RCAN1: variants seen among roughly 807,000 people sequenced by gnomAD.
The protein encoded by RCAN1 is calcipressin-1.
Under a neutral mutation model 22.9 loss-of-function variants are expected in RCAN1, and 11 were observed. The observed-to-expected ratio is 0.48, with a 90% CI of 0.30 to 0.79. The LOEUF is 0.79. Ranked by LOEUF, RCAN1 falls within the 30% of genes least tolerant of loss-of-function variation. The pLI, the probability that RCAN1 is intolerant of heterozygous loss-of-function variation, is 0.06. For missense variants in RCAN1, 291 were observed against 337.8 expected (o/e 0.86, Z 1.09); for synonymous variants, 136 against 142.3 (o/e 0.96, Z 0.32).
At chr21:34,567,686 G>A (rs1203847933) in intron 1 of RCAN1, among the ~76,000 whole-genome samples, 12 of 152,028 alleles carry the variant, frequency 7.9e-5, no homozygotes, top group Non-Finnish European at 1.5e-5. Context: ...TTCAAATTCA[G>A]AACTTCGGTC....
chr21:34,532,111 G>T (rs922399538), intron 1 of RCAN1, among the ~76,000 whole-genome samples: 1 of 152,058 alleles, frequency 6.6e-6, no homozygotes, highest in African/African-American at 2.4e-5. Flanking sequence ...AGGAGGCATC[G>T]GGGTAAAGAG....
intron 1 of RCAN1, chr21:34,525,222 GCTGCGGGTAGGAGCAGGGTAGTCGGTCC>G (rs1440482567): frequency 6.4e-7 from 1 of 1,550,516 alleles, no homozygotes; most frequent in African/African-American, 1.4e-5. Flanking sequence ...TCCACATGGG[GCTGCGGGTAGGAGCAGGGTAGTCGGTCC>G]CTGCCAGGCA....
rs540623663 is a variant in RCAN1, at chr21:34,576,374, A to G, written c.252+38386T>C. On this transcript the variant is annotated intron_variant, in intron 1 of 3. Transcript: ENST00000313806. ...TAAGAGTTGGGGCCCCTCCAACGGCAGGGATCTGGACAGCTTCCAGAGGAA... is the reference window on the plus strand; with the variant it reads ...TAAGAGTTGGGGCCCCTCCAACGGCGGGGATCTGGACAGCTTCCAGAGGAA... Among the ~76,000 whole-genome samples the G allele has an allele frequency of 3.9e-5, 6 of 152,332 alleles. No individual in the cohort carries two copies. The South Asian group carries it at 1.0e-3, about 26-fold the overall frequency.
At chr21:34,551,609 C>G (rs960876484) in intron 1 of RCAN1, among the ~76,000 whole-genome samples, 2 of 147,860 alleles carry the variant, frequency 1.4e-5, no homozygotes, top group Middle Eastern at 3.2e-3. Flanking sequence ...GGGACACTTC[C>G]CCTAGTGAAC....
intron 1 of RCAN1, among the ~76,000 whole-genome samples, chr21:34,570,376 GC>G (rs1987192531): frequency 6.6e-6 from 1 of 152,200 alleles, no homozygotes; most frequent in East Asian, 1.9e-4. Flanking sequence ...TCTGCATATA[GC>G]TTTCGTTACT....
chr21:34,531,294 T>A (rs73900512), intron 1 of RCAN1, among the ~76,000 whole-genome samples: 2,118 of 152,338 alleles, frequency 0.014, 58 homozygotes, highest in African/African-American at 0.048. Context: ...GGGCTTTTCA[T>A]TGCAGATTCC....
chr21:34,518,384 A>G lies in RCAN1; in HGVS notation c.587-128T>C. On this transcript the variant is annotated intron_variant, in intron 3 of 3. Transcript: ENST00000313806. This position sits in a 1 kb window ranked among gnomAD's most constrained non-coding sequence, Gnocchi z 4.2. ...ACCATTCGATTGGGCTGAGAGACAC[A>G]GCCAGACATATTTTGGGTTTGTATT... is the stretch of plus-strand genomic sequence containing the variant. The G allele has an allele frequency of 1.1e-6, 1 of 933,854 alleles. No individual in the cohort carries two copies. The highest frequency in any genetic ancestry group is 1.6e-6 in the Non-Finnish European group (1 of 636,556). 57.8% of individuals were successfully genotyped at this position (933,854 alleles called of 1,614,324 possible).
At chr21:34,530,967 C>G (rs1228236558) in intron 1 of RCAN1, among the ~76,000 whole-genome samples, 1 of 152,166 alleles carries the variant, frequency 6.6e-6, no homozygotes, top group Non-Finnish European at 1.5e-5. Flanking sequence ...GCCTAAGTTA[C>G]TACACAAAAA....
At chr21:34,541,952 A>T (rs939713055) in intron 1 of RCAN1, among the ~76,000 whole-genome samples, 3 of 152,002 alleles carry the variant, frequency 2.0e-5, no homozygotes, top group African/African-American at 7.2e-5. Flanking sequence ...TAAAATAAAT[A>T]AAAAAAATTT....
At chr21:34,548,802 TTC>T (rs1314550958) in intron 1 of RCAN1, among the ~76,000 whole-genome samples, 1 of 152,224 alleles carries the variant, frequency 6.6e-6, no homozygotes, top group Admixed American at 6.5e-5. Flanking sequence ...GAATCTTAAA[TTC>T]TCTTAGTGCC....
At chr21:34,563,792 T>TAGAGAG (rs1400313535) in intron 1 of RCAN1, among the ~76,000 whole-genome samples, 909 of 74,614 alleles carry the variant, frequency 0.012, 3 homozygotes, top group African/African-American at 0.019. Context: ...TATATATATA[T>TAGAGAG]ATAGAGAGAG....
intron 1 of RCAN1, among the ~76,000 whole-genome samples, chr21:34,571,678 C>T (rs1987238399): frequency 6.6e-6 from 1 of 152,270 alleles, no homozygotes; most frequent in African/African-American, 2.4e-5. Context: ...ACCTCAGCCT[C>T]CTGAGTAGCT....
intron 1 of RCAN1, chr21:34,527,110 T>C (rs1205443017): frequency 8.2e-6 from 3 of 365,524 alleles, no homozygotes; most frequent in Non-Finnish European, 1.2e-5. Context: ...TGCAGCATAG[T>C]TTCCACTGGT....
chr21:34,523,500 G>A (rs774137917), intron 2 of RCAN1, 37 bp downstream of exon 2: 4 of 1,600,118 alleles, frequency 2.5e-6, no homozygotes, highest in South Asian at 1.1e-5. Context: ...GAGGGAGGGA[G>A]GAGGGAGAAG....
At chr21:34,550,287 T>C (rs922808201) in intron 1 of RCAN1, among the ~76,000 whole-genome samples, 2 of 152,234 alleles carry the variant, frequency 1.3e-5, no homozygotes, top group Non-Finnish European at 2.9e-5. Context: ...AGAAACAGTT[T>C]TGCAAATTCA....
At position 34,600,013 on chromosome 21, in the gene RCAN1, C is replaced by T. The variant is rs372527329; in HGVS notation, c.252+14747G>A. The stretch of plus-strand genomic sequence containing the variant: ...GAAGGGTAGATAAGGGATAAGTTAC[C>T]CTGAACCTAAAGCACGAGAACTGGC... On this transcript the variant is annotated intron_variant, in intron 1 of 3. Transcript: ENST00000313806. Among the ~76,000 whole-genome samples the T allele has an allele frequency of 1.1e-4, 17 of 152,136 alleles. 1 individual carries two copies. Among genetic ancestry groups the T allele is most frequent in the African/African-American group, 4.1e-4 (17 of 41,498 alleles).
chr21:34,518,118 C>T lies in RCAN1; in HGVS notation c.725G>A (p.Arg242Lys), dbSNP rs1984187434. The T allele has an allele frequency of 2.5e-6, 4 of 1,614,222 alleles. No individual in the cohort carries two copies. The highest frequency in any genetic ancestry group is 3.4e-6 in the Non-Finnish European group (4 of 1,180,048). ...RRPKPKIIQTRRPEYTPIHLS is the reference protein window; with the variant it reads ...RRPKPKIIQTKRPEYTPIHLS ...GTGGATCGGCGTGTACTCCGGCCTC[C>T]TGGTCTGGATAATTTTTGGCTTAGG... Residue 242 changes from arginine (R) to lysine (K), a missense_variant, in exon 4 of 4, where the codon AGG (arginine) becomes AAG (lysine). By Grantham distance (26) the Arg-to-Lys change is conservative (BLOSUM62 2). Coordinates refer to ENST00000313806, the MANE Select transcript of RCAN1 (RefSeq NM_004414.7). The surrounding 1 kb of genome is among the most constrained non-coding windows in gnomAD (Gnocchi z 4.2).
At chr21:34,577,466 G>A (rs1204028181) in intron 1 of RCAN1, among the ~76,000 whole-genome samples, 1 of 152,086 alleles carries the variant, frequency 6.6e-6, no homozygotes, top group Non-Finnish European at 1.5e-5. Context: ...AGGCATGGTG[G>A]TGTGCGCCTG....
intron 1 of RCAN1, among the ~76,000 whole-genome samples, chr21:34,541,677 G>A (rs1985920559): frequency 6.6e-6 from 1 of 152,224 alleles, no homozygotes; most frequent in African/African-American, 2.4e-5. Flanking sequence ...GCTCACGCCT[G>A]TAATGCCAGC....
Sources: allele counts gnomAD v4.1 joint callset (sites outside exome capture counted in the v4.1 genomes callset), GRCh38; gene constraint gnomAD v4.1.1; non-coding constraint Gnocchi (gnomAD v3.1); transcripts MANE v1.5; gene names NCBI Gene and HGNC (gene_info 2026-07-23, HGNC 2026-07-21).